ABCB5: variants seen among roughly 807,000 people sequenced by gnomAD.
ABCB5 encodes ATP binding cassette subfamily B member 5.
Under a neutral mutation model 144.2 loss-of-function variants are expected in ABCB5, and 155 were observed. The ratio of observed to expected loss-of-function variants is 1.08; its 90% confidence interval spans 0.94 to 1.23. The LOEUF (loss-of-function observed/expected upper bound fraction) is 1.23, where lower values mean the gene tolerates loss of function less well. Ranked by LOEUF, ABCB5 falls within the 50% of genes most tolerant of loss-of-function variation. The pLI, the probability that ABCB5 is intolerant of heterozygous loss-of-function variation, is 0.00. For synonymous variants in ABCB5, 610 were observed against 528.6 expected (o/e 1.15, Z -2.11); for missense variants, 1,830 against 1,520.8 (o/e 1.20, Z -3.38).
rs1453277077 is a variant in ABCB5, at chr7:20,728,354, T to C, written c.2766T>C (p.Tyr922=). 6.8e-6 allele frequency: 11 copies of C among 1,614,196 alleles called. No homozygotes were observed. Among genetic ancestry groups the C allele is most frequent in the East Asian group, 2.2e-5 (1 of 44,890 alleles). The part of the protein sequence containing the change: ...SKKAQIIGSC[Y]AFSHAFIYFA... ...AAGCACAGATTATTGGAAGCTGTTATGCATTCAGCCATGCCTTTATATATT... is the reference window on the plus strand; with the variant it reads ...AAGCACAGATTATTGGAAGCTGTTACGCATTCAGCCATGCCTTTATATATT... Residue 922 remains tyrosine, a synonymous_variant, in exon 23 of 28, where the codon TAT becomes TAC. Transcript: ENST00000404938.
intron 5 of ABCB5, among the ~76,000 whole-genome samples, chr7:20,633,862 T>C (rs1784092598): frequency 6.6e-6 from 1 of 152,132 alleles, no homozygotes; most frequent in Admixed American, 6.6e-5. Context: ...CATGGCCATT[T>C]GTGGCTATAT....
chr7:20,704,600 A>G (rs969300621), intron 19 of ABCB5, 124 bp from the exon 20 acceptor site: 1 of 628,364 alleles, frequency 1.6e-6, no homozygotes, highest in Non-Finnish European at 2.8e-6. Flanking sequence ...ATAGTATTTT[A>G]TAGGAATTAA....
In ABCB5 at chr7:20,725,859, T is replaced by A. The variant is rs1322203862; in HGVS notation, c.2626-1181T>A. ...GGTTTCTTTAAGTCCATTTTTAAAT[T>A]AATGAGAATTTAAAACAACCAACAT... is the stretch of plus-strand genomic sequence containing the variant. On this transcript the variant is annotated intron_variant, in intron 21 of 27. Transcript: ENST00000404938. 5.9e-5 allele frequency among the ~76,000 whole-genome samples: 9 copies of A among 152,334 alleles called. No individual in the cohort carries two copies. In the East Asian group the frequency reaches 1.7e-3, roughly 29 times the overall value.
At position 20,681,650 on chromosome 7, in the gene ABCB5, C is replaced by T. The variant is rs772081722; in HGVS notation, c.1853C>T (p.Ser618Leu). The change falls in exon 15 of 28, where the codon TCA (serine) becomes TTA (leucine). Residue 618 changes from serine to leucine, a missense_variant. Physicochemically the swap from Ser to Leu is moderately radical, Grantham distance 145. Coordinates refer to ENST00000404938, the MANE Select transcript of ABCB5 (RefSeq NM_001163941.2). ...ELMAKRGLYY[S>L]LVMSQDIKKA... ...ATGGCAAAACGAGGTCTATATTATT[C>T]ACTTGTGATGTCACAGGTAATGCTT... 6.2e-7 allele frequency: 1 copy of T among 1,613,990 alleles called. No homozygotes were observed. Among genetic ancestry groups the T allele is most frequent in the Admixed American group, 1.7e-5 (1 of 60,024 alleles).
chr7:20,699,696 G>C, intron 17 of ABCB5, 129 bp from the exon 18 acceptor site: 1 of 602,538 alleles, frequency 1.7e-6, no homozygotes, highest in South Asian at 2.2e-5. Flanking sequence ...GACAGAGCAA[G>C]ATTCTGTCTC....
chr7:20,668,298 A>G (rs1404557736), intron 14 of ABCB5, among the ~76,000 whole-genome samples: 3 of 142,194 alleles, frequency 2.1e-5, no homozygotes, highest in Admixed American at 6.9e-5. Context: ...CCCCGCCGCC[A>G]TCCCATCTAG....
chr7:20,737,625 CT>C (rs1335762911), intron 23 of ABCB5, among the ~76,000 whole-genome samples: 1 of 152,142 alleles, frequency 6.6e-6, no homozygotes, highest in Admixed American at 6.5e-5. Flanking sequence ...GCCTCTACCC[CT>C]TTGGGACTAG....
At chr7:20,623,186 G>C in intron 1 of ABCB5, 79 bp from the exon 2 acceptor site, 1 of 828,960 alleles carries the variant, frequency 1.2e-6, no homozygotes, top group Admixed American at 2.4e-5. Flanking sequence ...TGAGAGATGT[G>C]GGATGTAAAG....
chr7:20,650,569 C>CTTT (rs71020652), intron 12 of ABCB5, among the ~76,000 whole-genome samples: 22 of 147,088 alleles, frequency 1.5e-4, no homozygotes, highest in African/African-American at 3.5e-4. Flanking sequence ...TTTTCTTTTC[C>CTTT]TTTTTTTTTT....
intron 16 of ABCB5, among the ~76,000 whole-genome samples, chr7:20,692,267 A>G (rs1033649144): frequency 6.6e-6 from 1 of 152,116 alleles, no homozygotes; most frequent in Non-Finnish European, 1.5e-5. Flanking sequence ...ATAGATGAGG[A>G]AAAAGACAAG....
rs558744208 is a variant in ABCB5, at chr7:20,659,511, C to T, written c.1707+835C>T. The stretch of plus-strand genomic sequence containing the variant: ...TGCTTCTTGAAAAATCTCTTAGTTA[C>T]TATTATTTAGTAGCAAATCAGATTG... On this transcript the variant is annotated intron_variant, in intron 14 of 27. Coordinates refer to ENST00000404938, the MANE Select transcript of ABCB5 (RefSeq NM_001163941.2). 2.9e-6 allele frequency: 3 copies of T among 1,023,300 alleles called. No individual in the cohort carries two copies. In the South Asian group the frequency reaches 1.3e-4, roughly 44 times the overall value. The allele number at this position is 1,023,300 out of a possible 1,614,324, so 63.4% of individuals were successfully genotyped here. A position where few individuals can be genotyped will look rare whatever the true frequency, so the allele number is the denominator to read the frequency against.
At chr7:20,675,484 A>G (rs2128037134) in intron 14 of ABCB5, among the ~76,000 whole-genome samples, 1 of 152,202 alleles carries the variant, frequency 6.6e-6, no homozygotes, top group South Asian at 2.1e-4. Flanking sequence ...ACCATACACA[A>G]AAATCAACTC....
chr7:20,668,217 T>C (rs1785279341), intron 14 of ABCB5, among the ~76,000 whole-genome samples: 1 of 144,266 alleles, frequency 6.9e-6, no homozygotes, highest in Non-Finnish European at 1.5e-5. Flanking sequence ...TCTGCCTGGC[T>C]GCACAGTCTG....
chr7:20,634,238 T>TTTTGTG (rs1554279017), intron 5 of ABCB5, among the ~76,000 whole-genome samples: 1 of 140,448 alleles, frequency 7.1e-6, no homozygotes, highest in African/African-American at 2.7e-5. Context: ...GTATTCCATG[T>TTTTGTG]TGTGTGTGTG....
intron 14 of ABCB5, among the ~76,000 whole-genome samples, chr7:20,681,290 C>T (rs1164707132): frequency 6.6e-6 from 1 of 151,816 alleles, no homozygotes; most frequent in Non-Finnish European, 1.5e-5. Flanking sequence ...CCAAGCCTGG[C>T]TAATTCTTGT....
chr7:20,708,651 A>G (rs973562707), intron 20 of ABCB5, among the ~76,000 whole-genome samples: 2 of 152,240 alleles, frequency 1.3e-5, no homozygotes, highest in Non-Finnish European at 2.9e-5. Flanking sequence ...TTACGTTTAC[A>G]AGAGCAAATG....
chr7:20,659,343 C>G (rs1784921795), intron 14 of ABCB5: 1 of 1,335,650 alleles, frequency 7.5e-7, no homozygotes, highest in African/African-American at 1.5e-5. Context: ...AGACCCCTTA[C>G]AAGGCTTAAT....
intron 4 of ABCB5, among the ~76,000 whole-genome samples, chr7:20,629,785 G>A (rs187883871): frequency 0.056 from 8,459 of 151,684 alleles, 332 homozygotes; most frequent in South Asian, 0.14. Flanking sequence ...GAAGGAGAAG[G>A]AGAAGAAGAA....
chr7:20,684,925 G>A (rs1372283669), intron 15 of ABCB5, among the ~76,000 whole-genome samples: 1 of 152,168 alleles, frequency 6.6e-6, no homozygotes, highest in Non-Finnish European at 1.5e-5. Context: ...CATTTCTCTT[G>A]TCCTTCTCCT....
Sources: gnomAD v4.1 joint callset for allele counts (sites outside exome capture counted in the v4.1 genomes callset) on GRCh38, gnomAD v4.1.1 for gene constraint, MANE v1.5 for transcripts, NCBI Gene and HGNC (gene_info 2026-07-23, HGNC 2026-07-21) for gene names.